The following ERAP1 variants were observed in gnomAD, a reference collection of about 807,000 sequenced individuals.
ERAP1 encodes adipocyte-derived leucine aminopeptidase.
Under a neutral mutation model 103.7 loss-of-function variants are expected in ERAP1, and 86 were observed. The ratio of observed to expected loss-of-function variants is 0.83; its 90% CI spans 0.70 to 0.99. ERAP1 has a LOEUF of 0.99. ERAP1 is among the 50% of genes least tolerant of loss of function. The pLI, the probability that ERAP1 is intolerant of heterozygous loss-of-function variation, is 0.00. For synonymous variants in ERAP1, 398 were observed against 402.4 expected (o/e 0.99, Z 0.13); for missense variants, 1,009 against 1,128.4 (o/e 0.89, Z 1.52).
the ERAP1 span, among the ~76,000 whole-genome samples, chr5:96,911,682 G>A: frequency 6.6e-6 from 1 of 151,744 alleles, no homozygotes; most frequent in Non-Finnish European, 1.5e-5. Flanking sequence ...GACCAGCCTT[G>A]TCAACATAGT....
the ERAP1 span, among the ~76,000 whole-genome samples, chr5:96,850,664 A>G: frequency 1.3e-5 from 2 of 152,150 alleles, no homozygotes; most frequent in Admixed American, 6.5e-5. Flanking sequence ...GAGGTGATGG[A>G]TATGTTAATT....
the ERAP1 span, among the ~76,000 whole-genome samples, chr5:96,842,987 T>A: frequency 1.3e-5 from 2 of 152,214 alleles, no homozygotes; most frequent in Non-Finnish European, 2.9e-5. Context: ...TCCAGTTTCA[T>A]TCTTCTACAT....
upstream of ERAP1, among the ~76,000 whole-genome samples, chr5:96,811,152 G>A (rs1413052172): frequency 6.6e-6 from 1 of 151,830 alleles, no homozygotes; most frequent in Non-Finnish European, 1.5e-5. Context: ...TCTTGATAAA[G>A]AGGATGACTT....
the ERAP1 span, among the ~76,000 whole-genome samples, chr5:96,861,442 G>T: frequency 6.6e-6 from 1 of 152,196 alleles, no homozygotes; most frequent in African/African-American, 2.4e-5. Context: ...GGTGGCTTTT[G>T]ACTGGTATGT....
chr5:96,867,002 C>G, the ERAP1 span, among the ~76,000 whole-genome samples: 2 of 134,648 alleles, frequency 1.5e-5, no homozygotes, highest in Non-Finnish European at 3.1e-5. Flanking sequence ...CCTGCTTTAC[C>G]TTTCTGATAT....
chr5:96,927,807 A>G, the ERAP1 span, among the ~76,000 whole-genome samples: 1 of 152,166 alleles, frequency 6.6e-6, no homozygotes, highest in Non-Finnish European at 1.5e-5. Flanking sequence ...TTTATCATTA[A>G]ATTTAAAAAT....
the ERAP1 span, among the ~76,000 whole-genome samples, chr5:96,932,551 T>C: frequency 1.1e-3 from 175 of 152,326 alleles, no homozygotes; most frequent in Non-Finnish European, 2.0e-3. Context: ...AACAGAAAAC[T>C]CTGAAGCACT....
At chr5:96,873,170 CAG>C in the ERAP1 span, 2 of 357,750 alleles carry the variant, frequency 5.6e-6, no homozygotes, top group South Asian at 4.2e-5. Flanking sequence ...GCCTGGGTGA[CAG>C]AGTGAGACTT....
chr5:96,931,176 A>C, the ERAP1 span, among the ~76,000 whole-genome samples: 1 of 147,166 alleles, frequency 6.8e-6, no homozygotes, highest in Non-Finnish European at 1.5e-5. Flanking sequence ...TTTTTTTCCC[A>C]GACAGGATCT....
Position 96,781,728 on chromosome 5 carries a change from G to A in ERAP1, c.2412C>T (p.Ala804=), listed in dbSNP as rs1581544377. 2 of 1,613,980 alleles carry A rather than the reference G, an allele frequency of 1.2e-6. No homozygotes were observed. The highest frequency in any genetic ancestry group is 1.6e-4 in the Middle Eastern group (1 of 6,084). The change falls in exon 16 of 19, where the codon GCC becomes GCT. Residue 804 remains alanine, a synonymous_variant. Transcript: ENST00000443439. ...TTTCCTTATTTTGGGTTCTGCAGAG[G>A]GCAAATTCAATTTGGCTTTTCTCAG... ...SSTEKSQIEF[A]LCRTQNKEKL...
At chr5:96,766,733 C>T (rs75285346) in intron 19 of ERAP1, among the ~76,000 whole-genome samples, 1 of 152,202 alleles carries the variant, frequency 6.6e-6, no homozygotes, top group African/African-American at 2.4e-5. Flanking sequence ...CACCTCTTTC[C>T]TATTTAGTTT....
downstream of ERAP1, chr5:96,771,680 A>C (rs779772470): frequency 1.2e-6 from 2 of 1,610,816 alleles, no homozygotes; most frequent in South Asian, 2.2e-5. Flanking sequence ...AGATGACTAA[A>C]GAAATACAAG....
the ERAP1 span, among the ~76,000 whole-genome samples, chr5:96,839,523 G>A: frequency 0.69 from 105,694 of 152,124 alleles, 38,259 homozygotes; most frequent in Non-Finnish European, 0.8. Context: ...CCAGGAACCA[G>A]GGACAAAGAC....
At chr5:96,771,715 T>C, downstream of ERAP1, 1 of 1,558,876 alleles carries the variant, frequency 6.4e-7, no homozygotes, top group Non-Finnish European at 8.8e-7. Context: ...AAGTTGGGTG[T>C]TTATTTGTAA....
At chr5:96,768,309 C>T in intron 19 of ERAP1, 1 of 413,360 alleles carries the variant, frequency 2.4e-6, no homozygotes, top group South Asian at 1.9e-5. Flanking sequence ...GTCTCGAGCT[C>T]TTGGGCTCAA....
In ERAP1 at chr5:96,775,114, A is replaced by AAAT. The variant is rs1351168932; in HGVS notation, c.*1279_*1281dup. On this transcript the variant is annotated 3_prime_UTR_variant, in exon 19 of 19. Coordinates refer to ENST00000443439, the MANE Select transcript of ERAP1 (RefSeq NM_001040458.3). ...CTGTGTAGCAAGTTTTCAGAATAAG[A>AAAT]AATAAAATCTAATTCTTAGGGTATT... 4 of 985,456 alleles carry AAAT rather than the reference A, an allele frequency of 4.1e-6. No individual in the cohort carries two copies. Among genetic ancestry groups the AAAT allele is most frequent in the African/African-American group, 3.5e-5 (2 of 57,232 alleles). The allele number at this position is 985,456 out of a possible 1,614,324, so 61.0% of individuals were successfully genotyped here.
chr5:96,826,553 G>T, the ERAP1 span, among the ~76,000 whole-genome samples: 1 of 151,882 alleles, frequency 6.6e-6, no homozygotes, highest in African/African-American at 2.4e-5. Flanking sequence ...GGACTTTTTT[G>T]AAAAAAGAGC....
chr5:96,904,678 T>C, the ERAP1 span, among the ~76,000 whole-genome samples: 10 of 152,178 alleles, frequency 6.6e-5, no homozygotes, highest in African/African-American at 9.7e-5. Flanking sequence ...TCTGAGTAGA[T>C]TGAAGAGAAG....
the ERAP1 span, chr5:96,935,406 C>A: frequency 6.6e-6 from 1 of 152,334 alleles, no homozygotes; most frequent in South Asian, 2.1e-4. Flanking sequence ...TGCGGGCGGG[C>A]ATCTCTGCCG....
Sources: allele counts gnomAD v4.1 joint callset (sites outside exome capture counted in the v4.1 genomes callset), GRCh38; gene constraint gnomAD v4.1.1; transcripts MANE v1.5; gene names NCBI Gene and HGNC (gene_info 2026-07-23, HGNC 2026-07-21).